The following ATP10D variants were observed in gnomAD, a reference collection of about 807,000 sequenced individuals.
The protein encoded by ATP10D is phospholipid-transporting ATPase VD.
A neutral mutation model predicts 144.8 loss-of-function variants in ATP10D; 89 were observed. That is an observed-to-expected ratio of 0.61 (90% CI 0.52 to 0.73). ATP10D has a LOEUF of 0.73. Among genes scored for constraint, ATP10D ranks in the 30% least tolerant of loss-of-function variants. ATP10D has a pLI of 0.00. For missense variants in ATP10D, 1,603 were observed against 1,714.8 expected (o/e 0.93, Z 1.15); for synonymous variants, 571 against 615.1 (o/e 0.93, Z 1.06).
At chr4:47,565,467 CTGG>C (rs1349140165) in intron 15 of ATP10D, among the ~76,000 whole-genome samples, 1 of 152,130 alleles carries the variant, frequency 6.6e-6, no homozygotes, top group African/African-American at 2.4e-5. Flanking sequence ...GCCTAGGTGG[CTGG>C]TAAGACTAGG....
chr4:47,563,874 CT>C (rs1233701549), intron 15 of ATP10D, 109 bp downstream of exon 15: 6 of 1,106,910 alleles, frequency 5.4e-6, no homozygotes, highest in South Asian at 2.1e-5. Context: ...CAACCGTTAG[CT>C]TTTTTTGTTG....
chr4:47,582,101 C>A, intron 21 of ATP10D, 37 bp downstream of exon 21: 1 of 1,495,120 alleles, frequency 6.7e-7, no homozygotes, highest in Non-Finnish European at 9.3e-7. Flanking sequence ...AGCCTAAAAT[C>A]TTTTATGCTT....
At chr4:47,531,492 C>T (rs1717566937) in intron 5 of ATP10D, among the ~76,000 whole-genome samples, 2 of 152,144 alleles carry the variant, frequency 1.3e-5, no homozygotes, top group Admixed American at 1.3e-4. Flanking sequence ...AGCAATAAGG[C>T]AGATCATGAA....
intron 1 of ATP10D, chr4:47,490,953 C>A: frequency 2.0e-6 from 1 of 509,870 alleles, no homozygotes; most frequent in South Asian, 2.0e-5. Context: ...AGTCAGAAGT[C>A]TTTTATTTTA....
Position 47,580,440 on chromosome 4 carries a change from T to C in ATP10D, c.3610T>C (p.Phe1204Leu). The C allele has an allele frequency of 6.2e-7, 1 of 1,613,860 alleles. No individual in the cohort carries two copies. The highest frequency in any genetic ancestry group is 8.5e-7 in the Non-Finnish European group (1 of 1,179,808). The change falls in exon 20 of 23, where the codon TTT becomes CTT. Residue 1204 changes from phenylalanine to leucine, a missense_variant. Phe to Leu is a conservative substitution (Grantham distance 22, BLOSUM62 0). Coordinates refer to ENST00000273859, the MANE Select transcript of ATP10D (RefSeq NM_020453.4). ...HTFWITLLDA[F>L]YQSLVCFFVP... ...CTTCTGGATCACCTTATTGGATGCT[T>C]TTTATCAAAGCCTGGTCTGCTTCTT...
In ATP10D at chr4:47,572,952, T is replaced by C. The variant is rs1560452847; in HGVS notation, c.3321T>C (p.Tyr1107=). 6.2e-7 allele frequency: 1 copy of C among 1,614,126 alleles called. No individual in the cohort carries two copies. The highest frequency in any genetic ancestry group is 1.1e-5 in the South Asian group (1 of 91,082). ...TTCTTGTCCATGGACACTGGTGTTA[T>C]ACACGGCTTTCCAACATGATTCTCT... ...KLLLVHGHWC[Y]TRLSNMILYF... The change falls in exon 18 of 23, where the codon TAT becomes TAC. Residue 1107 remains tyrosine (Y), a synonymous_variant. Coordinates refer to ENST00000273859, the MANE Select transcript of ATP10D (RefSeq NM_020453.4).
intron 22 of ATP10D, among the ~76,000 whole-genome samples, chr4:47,590,376 T>C (rs190842035): frequency 6.6e-6 from 1 of 152,252 alleles, no homozygotes; most frequent in African/African-American, 2.4e-5. Context: ...CTGTTAGTAG[T>C]ATGCTCTGGA....
At chr4:47,562,832 A>AATAT (rs148667924) in intron 14 of ATP10D, among the ~76,000 whole-genome samples, 4,130 of 151,464 alleles carry the variant, frequency 0.027, 179 homozygotes, top group African/African-American at 0.095. Context: ...AATGTGATAT[A>AATAT]ATATATATAT....
At chr4:47,519,074 C>T (rs1284755833) in intron 3 of ATP10D, among the ~76,000 whole-genome samples, 1 of 152,122 alleles carries the variant, frequency 6.6e-6, no homozygotes, top group Admixed American at 6.5e-5. Flanking sequence ...AATGATAATT[C>T]ATTATTTGCT....
At chr4:47,576,086 T>C (rs1366450231) in intron 18 of ATP10D, among the ~76,000 whole-genome samples, 7 of 151,242 alleles carry the variant, frequency 4.6e-5, no homozygotes, top group South Asian at 2.1e-4. Context: ...CGCCCGCCAC[T>C]ACGCCCGGCT....
chr4:47,572,085 T>C lies in ATP10D; in HGVS notation c.3164-69T>C, dbSNP rs190193139. ...ATTTGTTCACTTGAGCTGCCCCTAT[T>C]GATTTGCAACATTTACACCCTTTCT... On this transcript the variant is annotated intron_variant, in intron 16 of 22. Transcript: ENST00000273859. The C allele has an allele frequency of 4.6e-5, 65 of 1,399,884 alleles. No individual in the cohort carries two copies. The African/African-American group carries it at 8.8e-4, about 19-fold the overall frequency. The allele number at this position is 1,399,884 out of a possible 1,614,324, so 86.7% of individuals were successfully genotyped here.
chr4:47,532,292 C>T (rs1317407300), intron 5 of ATP10D, among the ~76,000 whole-genome samples: 3 of 152,176 alleles, frequency 2.0e-5, no homozygotes, highest in African/African-American at 7.2e-5. Flanking sequence ...TCTGCCTATC[C>T]AAATTGTCAC....
rs545155410 is a variant in ATP10D, at chr4:47,527,850, A to G, written c.776+2208A>G. ...TTGGAAATTTTGGAAAAAGCTAAGC[A>G]TATGCCCATTATATAACATGGCCAT... On this transcript the variant is annotated intron_variant, in intron 5 of 22. Transcript: ENST00000273859. Among the ~76,000 whole-genome samples, 52 of 152,310 alleles carry G rather than the reference A, an allele frequency of 3.4e-4. 1 individual carries two copies. In the South Asian group the frequency reaches 0.011, roughly 31 times the overall value.
At chr4:47,529,580 C>A (rs1227913196) in intron 5 of ATP10D, among the ~76,000 whole-genome samples, 2 of 152,116 alleles carry the variant, frequency 1.3e-5, no homozygotes, top group African/African-American at 4.8e-5. Context: ...CATGTGGTAC[C>A]TCCAGCTTTT....
chr4:47,564,526 C>T (rs909335353), intron 15 of ATP10D, among the ~76,000 whole-genome samples: 1 of 151,958 alleles, frequency 6.6e-6, no homozygotes, highest in African/African-American at 2.4e-5. Flanking sequence ...TAAAAATAGA[C>T]TCAGGGAAAT....
At chr4:47,496,842 A>G (rs1381896671) in intron 1 of ATP10D, among the ~76,000 whole-genome samples, 1 of 151,868 alleles carries the variant, frequency 6.6e-6, no homozygotes, top group African/African-American at 2.4e-5. Context: ...TAAGATATTA[A>G]TTAATTAATT....
chr4:47,552,462 T>C (rs1405956810), intron 10 of ATP10D, among the ~76,000 whole-genome samples: 1 of 152,210 alleles, frequency 6.6e-6, no homozygotes, highest in Non-Finnish European at 1.5e-5. Context: ...CAGTTCCTTC[T>C]TTACTGTGTC....
At position 47,558,212 on chromosome 4, in the gene ATP10D, TGTG is replaced by T; in HGVS notation, c.2377_2379del (p.Val793del). ...TCCGACACCCTCTTTCCAATCAAGTTGTGGTGTATACGAAAGGCGCTGATTCTG... is the reference window on the plus strand; with the variant it reads ...TCCGACACCCTCTTTCCAATCAAGTTGTGTATACGAAAGGCGCTGATTCTG... On this transcript the variant is annotated inframe_deletion, in exon 12 of 23. Transcript: ENST00000273859. The T allele has an allele frequency of 6.2e-7, 1 of 1,614,194 alleles. No individual in the cohort carries two copies. Among genetic ancestry groups the T allele is most frequent in the Non-Finnish European group, 8.5e-7 (1 of 1,180,040 alleles).
intron 15 of ATP10D, among the ~76,000 whole-genome samples, chr4:47,564,343 T>TA (rs1421118752): frequency 3.3e-5 from 5 of 151,856 alleles, no homozygotes; most frequent in Non-Finnish European, 4.4e-5. Context: ...TTTTTTTTTT[T>TA]ATTTGCTTTC....
Sources: gnomAD v4.1 joint callset for allele counts (sites outside exome capture counted in the v4.1 genomes callset) on GRCh38, gnomAD v4.1.1 for gene constraint, MANE v1.5 for transcripts, NCBI Gene and HGNC (gene_info 2026-07-23, HGNC 2026-07-21) for gene names.